Variants in COG5 observed in about 807,000 individuals in gnomAD.
COG5 encodes the protein conserved oligomeric Golgi complex subunit 5.
In COG5, 86 loss-of-function variants were observed where a neutral mutation model predicts 110.4. The observed-to-expected ratio is 0.78, with a 90% CI of 0.65 to 0.93. The LOEUF is 0.93. Among genes scored for constraint, COG5 ranks in the 40% least tolerant of loss-of-function variants. COG5 has a pLI of 0.00. For missense variants in COG5, 1,077 were observed against 987.0 expected (o/e 1.09, Z -1.22); for synonymous variants, 360 against 334.6 (o/e 1.08, Z -0.83).
intron 6 of COG5, among the ~76,000 whole-genome samples, chr7:107,446,625 G>GTC (rs142995574): frequency 3.4e-4 from 52 of 151,786 alleles, no homozygotes; most frequent in South Asian, 2.1e-3. Context: ...TGCTCTCACT[G>GTC]TCTCTCTCTC....
At chr7:107,241,729 G>A (rs567873541) in intron 17 of COG5, among the ~76,000 whole-genome samples, 1 of 152,250 alleles carries the variant, frequency 6.6e-6, no homozygotes, top group Admixed American at 6.5e-5. Flanking sequence ...TGGGATTACA[G>A]GCGTGAGCCA....
chr7:107,273,632 A>G (rs547113868), intron 14 of COG5, among the ~76,000 whole-genome samples: 1 of 152,312 alleles, frequency 6.6e-6, no homozygotes, highest in East Asian at 1.9e-4. Flanking sequence ...AAATTTCAAA[A>G]ATCTTCCTGA....
intron 14 of COG5, among the ~76,000 whole-genome samples, chr7:107,277,990 CT>C (rs1388509355): frequency 6.6e-6 from 1 of 151,912 alleles, no homozygotes; most frequent in African/African-American, 2.4e-5. Flanking sequence ...TTGAAAAAAC[CT>C]TTTATAAGCC....
intron 11 of COG5, among the ~76,000 whole-genome samples, chr7:107,304,306 T>G (rs1026708024): frequency 6.6e-6 from 1 of 152,196 alleles, no homozygotes; most frequent in Non-Finnish European, 1.5e-5. Flanking sequence ...AGTACCTTCT[T>G]TTATTTTCTT....
At chr7:107,440,731 C>T (rs1794656174) in intron 6 of COG5, among the ~76,000 whole-genome samples, 2 of 152,030 alleles carry the variant, frequency 1.3e-5, no homozygotes, top group Admixed American at 1.3e-4. Flanking sequence ...CATAAAAACC[C>T]CTAACCACAG....
At chr7:107,243,783 A>C (rs1473098246) in intron 17 of COG5, among the ~76,000 whole-genome samples, 1 of 152,190 alleles carries the variant, frequency 6.6e-6, no homozygotes, top group Non-Finnish European at 1.5e-5. Flanking sequence ...AACAATCCTC[A>C]ACAAATGTAA....
chr7:107,259,249 T>C (rs574290559), intron 14 of COG5, among the ~76,000 whole-genome samples: 35 of 152,136 alleles, frequency 2.3e-4, no homozygotes, highest in Non-Finnish European at 4.6e-4. Flanking sequence ...ATAGAAAGTA[T>C]AACCAGGTTA....
At chr7:107,394,649 C>T (rs979805588) in intron 7 of COG5, among the ~76,000 whole-genome samples, 1 of 152,092 alleles carries the variant, frequency 6.6e-6, no homozygotes, top group Non-Finnish European at 1.5e-5. Context: ...TATGAGATAA[C>T]CTTTGTGAGC....
At chr7:107,276,536 C>T (rs536414175) in intron 14 of COG5, among the ~76,000 whole-genome samples, 22 of 152,250 alleles carry the variant, frequency 1.4e-4, no homozygotes, top group African/African-American at 5.3e-4. Flanking sequence ...GCTAGGCATG[C>T]TGGCATGCCC....
intron 17 of COG5, among the ~76,000 whole-genome samples, chr7:107,237,125 C>T (rs753793050): frequency 1.4e-4 from 21 of 152,120 alleles, no homozygotes; most frequent in Non-Finnish European, 2.4e-4. Flanking sequence ...GCTGCTTTCC[C>T]TATACAAATT....
chr7:107,246,913 T>A (rs1039817807), intron 17 of COG5, among the ~76,000 whole-genome samples: 1 of 152,170 alleles, frequency 6.6e-6, no homozygotes, highest in Non-Finnish European at 1.5e-5. Flanking sequence ...TAAAAACATA[T>A]GCATGTGCAT....
intron 6 of COG5, among the ~76,000 whole-genome samples, chr7:107,467,612 A>C (rs1193835231): frequency 6.6e-6 from 1 of 152,182 alleles, no homozygotes; most frequent in Non-Finnish European, 1.5e-5. Flanking sequence ...TCAGCCTCCC[A>C]AAGTGCTGGG....
At chr7:107,489,115 C>T (rs993807179) in intron 6 of COG5, among the ~76,000 whole-genome samples, 5 of 152,128 alleles carry the variant, frequency 3.3e-5, no homozygotes, top group African/African-American at 9.7e-5. Flanking sequence ...TGTACATTTA[C>T]AGTGTATGTA....
intron 6 of COG5, among the ~76,000 whole-genome samples, chr7:107,442,965 G>A (rs1400181109): frequency 6.6e-6 from 1 of 152,078 alleles, no homozygotes; most frequent in Admixed American, 6.6e-5. Context: ...TTTAAAAGAT[G>A]CAACATCAAG....
At chr7:107,525,924 T>C (rs1800698396) in intron 6 of COG5, among the ~76,000 whole-genome samples, 1 of 152,184 alleles carries the variant, frequency 6.6e-6, no homozygotes, top group Non-Finnish European at 1.5e-5. Flanking sequence ...CCAAGCCTAC[T>C]AAATCACAAG....
At chr7:107,304,441 AT>A (rs947461531) in intron 11 of COG5, among the ~76,000 whole-genome samples, 6 of 152,170 alleles carry the variant, frequency 3.9e-5, no homozygotes, top group African/African-American at 1.2e-4. Flanking sequence ...TTTTACCTAG[AT>A]TTAACACTTA....
intron 10 of COG5, among the ~76,000 whole-genome samples, chr7:107,333,942 AT>A: frequency 6.6e-6 from 1 of 152,248 alleles, no homozygotes; most frequent in Admixed American, 6.5e-5. Flanking sequence ...TTTCTCCCTA[AT>A]AAGAGAAACT....
intron 10 of COG5, among the ~76,000 whole-genome samples, chr7:107,342,918 G>A (rs1811290070): frequency 6.6e-6 from 1 of 152,098 alleles, no homozygotes; most frequent in Non-Finnish European, 1.5e-5. Flanking sequence ...ACATGCACTT[G>A]TATGTTCATC....
At chr7:107,354,632 C>T (rs1327380226) in intron 10 of COG5, among the ~76,000 whole-genome samples, 3 of 152,170 alleles carry the variant, frequency 2.0e-5, no homozygotes, top group African/African-American at 4.8e-5. Flanking sequence ...GCCGAGACCA[C>T]GCCACTGCAC....
Sources: gnomAD v4.1 joint callset for allele counts (sites outside exome capture counted in the v4.1 genomes callset) on GRCh38, gnomAD v4.1.1 for gene constraint, MANE v1.5 for transcripts, NCBI Gene and HGNC (gene_info 2026-07-23, HGNC 2026-07-21) for gene names.